CDK19: variants seen among roughly 807,000 people sequenced by gnomAD.
CDK19 encodes cyclin-dependent kinase 19.
Under a neutral mutation model 68.3 loss-of-function variants are expected in CDK19, and 20 were observed. That is an observed-to-expected ratio of 0.29 (90% CI 0.21 to 0.43). The LOEUF (loss-of-function observed/expected upper bound fraction) is 0.43, where lower values mean the gene tolerates loss of function less well. CDK19 is among the 20% of genes least tolerant of loss of function. The pLI is 1.00. For missense variants in CDK19, 339 were observed against 623.5 expected, an observed-to-expected ratio of 0.54 and a Z score of 4.86; for synonymous variants, 221 against 222.8, an observed-to-expected ratio of 0.99 and a Z score of 0.07.
chr6:110,646,824 T>G (rs909136753), intron 4 of CDK19, among the ~76,000 whole-genome samples: 2 of 152,028 alleles, frequency 1.3e-5, no homozygotes, highest in African/African-American at 4.8e-5. Flanking sequence ...CAGCAGTGTT[T>G]CCTGGTCCTC....
At position 110,621,749 on chromosome 6, in the gene CDK19, T is replaced by C. The variant is rs892931810; in HGVS notation, c.1110+339A>G. Among the ~76,000 whole-genome samples, 1 of 152,186 alleles carries C rather than the reference T, an allele frequency of 6.6e-6. No individual in the cohort carries two copies. Among genetic ancestry groups the C allele is most frequent in the Non-Finnish European group, 1.5e-5 (1 of 68,034 alleles). On this transcript the variant is annotated intron_variant, in intron 11 of 12. Coordinates refer to ENST00000368911, the MANE Select transcript of CDK19 (RefSeq NM_015076.5). The surrounding 1 kb of genome is among the most constrained non-coding windows in gnomAD (Gnocchi z 5.4). ...GAGCGGTCTGGAGAGTGAGCCAATATATCCAGTTAAGACGAAAGAACAGAG... is the reference window on the plus strand; with the variant it reads ...GAGCGGTCTGGAGAGTGAGCCAATACATCCAGTTAAGACGAAAGAACAGAG...
At chr6:110,638,739 T>C (rs1393660146) in intron 4 of CDK19, 33 bp from the exon 5 acceptor site, 1 of 1,191,828 alleles carries the variant, frequency 8.4e-7, no homozygotes, top group South Asian at 1.3e-5. Flanking sequence ...CAAATTACCA[T>C]GTTTATTCTT....
At chr6:110,647,480 G>A (rs1422010822) in intron 4 of CDK19, among the ~76,000 whole-genome samples, 1 of 152,068 alleles carries the variant, frequency 6.6e-6, no homozygotes, top group Non-Finnish European at 1.5e-5. Context: ...GAGAGAAAGT[G>A]CAAATAAACT....
chr6:110,671,148 G>A (rs151177941), intron 2 of CDK19, among the ~76,000 whole-genome samples: 4 of 152,018 alleles, frequency 2.6e-5, no homozygotes, highest in African/African-American at 9.6e-5. Context: ...GTTGAGAACA[G>A]GTCCTGTAAA....
rs532413666 is a variant in CDK19 at position 110,707,181 on chromosome 6, C to T, written c.205-36640G>A. On this transcript the variant is annotated intron_variant, in intron 2 of 12. Transcript: ENST00000368911. ...TGAAACCCCATCTCTACTAAAAATA[C>T]AAAAATTAGCCAGGCGTAGTCACAC... Among the ~76,000 whole-genome samples, 5 of 151,868 alleles carry T rather than the reference C, an allele frequency of 3.3e-5. No homozygotes were observed. In the South Asian group the frequency reaches 1.0e-3, roughly 32 times the overall value.
At chr6:110,725,548 G>C (rs375180037) in intron 2 of CDK19, among the ~76,000 whole-genome samples, 12 of 152,230 alleles carry the variant, frequency 7.9e-5, no homozygotes, top group African/African-American at 2.9e-4. Context: ...GACAGAGAGA[G>C]AGGGGCAGAG....
intron 2 of CDK19, among the ~76,000 whole-genome samples, chr6:110,730,046 C>T (rs1776629299): frequency 6.6e-6 from 1 of 152,172 alleles, no homozygotes; most frequent in South Asian, 2.1e-4. Flanking sequence ...AGGCTCTGTA[C>T]TGGTATAAAA....
intron 2 of CDK19, among the ~76,000 whole-genome samples, chr6:110,690,175 T>C (rs1200406751): frequency 1.3e-5 from 2 of 148,246 alleles, no homozygotes; most frequent in Non-Finnish European, 3.0e-5. Context: ...TGTGCACCTA[T>C]AGACAGCCTT....
At chr6:110,647,183 G>C (rs1453567104) in intron 4 of CDK19, among the ~76,000 whole-genome samples, 2 of 152,134 alleles carry the variant, frequency 1.3e-5, no homozygotes, top group Non-Finnish European at 2.9e-5. Flanking sequence ...CCGTCCAGCT[G>C]GGGTCCGGCC....
chr6:110,639,554 A>G (rs993416838), intron 4 of CDK19, among the ~76,000 whole-genome samples: 3 of 152,238 alleles, frequency 2.0e-5, no homozygotes, highest in African/African-American at 7.2e-5. Context: ...CGCTTACTAC[A>G]TAAGTAGAAA....
chr6:110,736,968 AT>A (rs1777294217), intron 2 of CDK19, among the ~76,000 whole-genome samples: 1 of 152,206 alleles, frequency 6.6e-6, no homozygotes, highest in African/African-American at 2.4e-5. Context: ...TAAATTGATA[AT>A]TTTTATATTT....
intron 8 of CDK19, among the ~76,000 whole-genome samples, chr6:110,624,259 C>A (rs1050513760): frequency 3.3e-5 from 5 of 151,910 alleles, no homozygotes; most frequent in Non-Finnish European, 7.4e-5. Flanking sequence ...GGAGGTGGGG[C>A]ACACAGGGTA....
chr6:110,616,976 AT>A (rs1778354089), intron 12 of CDK19, among the ~76,000 whole-genome samples: 1 of 152,186 alleles, frequency 6.6e-6, no homozygotes, highest in Non-Finnish European at 1.5e-5. Flanking sequence ...CTTACAATAC[AT>A]TGATGAAGCA....
At chr6:110,699,983 G>A (rs186580855) in intron 2 of CDK19, among the ~76,000 whole-genome samples, 10 of 152,306 alleles carry the variant, frequency 6.6e-5, no homozygotes, top group African/African-American at 2.2e-4. Context: ...GTAAGTAAGC[G>A]AAGCTTCATC....
At chr6:110,707,469 G>C (rs1562218102) in intron 2 of CDK19, among the ~76,000 whole-genome samples, 1 of 152,100 alleles carries the variant, frequency 6.6e-6, no homozygotes, top group East Asian at 1.9e-4. Flanking sequence ...GTTTTACCAG[G>C]ATACAGATCA....
chr6:110,727,987 CAA>C (rs34006206), intron 2 of CDK19, among the ~76,000 whole-genome samples: 1 of 142,264 alleles, frequency 7.0e-6, no homozygotes, highest in African/African-American at 2.6e-5. Context: ...GACCCTGTCT[CAA>C]AAAAAAAAAA....
rs369996216 is a variant in CDK19 at position 110,732,981 on chromosome 6, C to T, written c.204+13145G>A. ...ACTTGGGAGGCTGAGAAAGGAGAAT[C>T]GCTTGAACCCAGCAAGGTGGAGGTT... On this transcript the variant is annotated intron_variant, in intron 2 of 12. Transcript: ENST00000368911. Among the ~76,000 whole-genome samples, 14 of 152,108 alleles carry T rather than the reference C, an allele frequency of 9.2e-5. No individual in the cohort carries two copies. The South Asian group carries it at 2.9e-3, about 32-fold the overall frequency.
At chr6:110,711,088 A>G (rs1376641672) in intron 2 of CDK19, among the ~76,000 whole-genome samples, 1 of 151,104 alleles carries the variant, frequency 6.6e-6, no homozygotes, top group Admixed American at 6.6e-5. Flanking sequence ...TTTTATGGAG[A>G]AAAAAAATTC....
intron 1 of CDK19, among the ~76,000 whole-genome samples, chr6:110,809,652 A>C (rs1004668966): frequency 6.6e-6 from 1 of 152,248 alleles, no homozygotes; most frequent in African/African-American, 2.4e-5. Flanking sequence ...TTTCAAAGCA[A>C]TTACTAAAAA....
Sources: allele counts gnomAD v4.1 joint callset (sites outside exome capture counted in the v4.1 genomes callset), GRCh38; gene constraint gnomAD v4.1.1; non-coding constraint Gnocchi (gnomAD v3.1); transcripts MANE v1.5; gene names NCBI Gene and HGNC (gene_info 2026-07-23, HGNC 2026-07-21).